The following EFR3A variants were observed in gnomAD, a reference collection of about 807,000 sequenced individuals.
EFR3A encodes the protein EFR3 homolog A.
Under a neutral mutation model 104.4 loss-of-function variants are expected in EFR3A, and 76 were observed. The ratio of observed to expected loss-of-function variants is 0.73; its 90% confidence interval spans 0.60 to 0.88. EFR3A has a LOEUF of 0.88. Ranked by LOEUF, EFR3A falls within the 40% of genes least tolerant of loss-of-function variation. The pLI, the probability that EFR3A is intolerant of heterozygous loss-of-function variation, is 0.00. For synonymous variants in EFR3A, 330 were observed against 330.0 expected (o/e 1.00, Z 0.00); for missense variants, 985 against 1,012.5 (o/e 0.97, Z 0.37).
rs1820773035 is a variant in EFR3A, at chr8:131,984,402, G to T, written c.1737+102G>T. The T allele has an allele frequency of 8.1e-6, 9 of 1,117,220 alleles. No individual in the cohort carries two copies. In the Admixed American group the frequency reaches 1.9e-4, roughly 23 times the overall value. 69.2% of individuals were successfully genotyped at this position (1,117,220 alleles called of 1,614,324 possible). ...CAAGGACATGAATTTTAAAAGGGAG[G>T]TATCTAGTTGTAAATCTAAAATACT... On this transcript the variant is annotated intron_variant, in intron 15 of 22. Coordinates refer to ENST00000254624, the MANE Select transcript of EFR3A (RefSeq NM_015137.6).
intron 19 of EFR3A, among the ~76,000 whole-genome samples, chr8:131,998,858 A>C (rs752175826): frequency 6.6e-6 from 1 of 151,956 alleles, no homozygotes; most frequent in Non-Finnish European, 1.5e-5. Context: ...ATATATGCAC[A>C]CTACACATAT....
intron 8 of EFR3A, among the ~76,000 whole-genome samples, chr8:131,962,352 G>A (rs1424906911): frequency 6.6e-6 from 1 of 152,116 alleles, no homozygotes; most frequent in Non-Finnish European, 1.5e-5. Context: ...TCAAAATAAA[G>A]GGATGGAGGA....
chr8:131,986,011 G>C (rs1316284026), intron 16 of EFR3A, among the ~76,000 whole-genome samples, 183 bp from the exon 17 acceptor site: 1 of 152,022 alleles, frequency 6.6e-6, no homozygotes, highest in Non-Finnish European at 1.5e-5. Flanking sequence ...AAAAATAATA[G>C]ATGTGAAAAC....
chr8:131,905,947 C>A (rs1362893755), intron 1 of EFR3A, among the ~76,000 whole-genome samples: 2 of 152,324 alleles, frequency 1.3e-5, no homozygotes, highest in East Asian at 3.9e-4. Flanking sequence ...ATGTTGAGTT[C>A]ATTCTGCAAA....
chr8:131,950,120 G>C (rs548913947), intron 5 of EFR3A, 30 bp downstream of exon 5: 19 of 1,556,236 alleles, frequency 1.2e-5, no homozygotes, highest in Non-Finnish European at 1.6e-5. Flanking sequence ...ATGATCTATA[G>C]TAAGTAATTT....
At chr8:131,930,347 C>T (rs1447725725) in intron 1 of EFR3A, among the ~76,000 whole-genome samples, 1 of 151,750 alleles carries the variant, frequency 6.6e-6, no homozygotes, top group African/African-American at 2.4e-5. Flanking sequence ...AAGATAGGAA[C>T]AGATGAATAG....
intron 4 of EFR3A, among the ~76,000 whole-genome samples, chr8:131,947,153 T>G (rs1303153586): frequency 6.6e-6 from 1 of 152,056 alleles, no homozygotes; most frequent in Non-Finnish European, 1.5e-5. Context: ...TATATGAGTG[T>G]TGTTTCTCCA....
At chr8:131,996,337 T>TA (rs1821483469) in intron 18 of EFR3A, 69 bp from the exon 19 acceptor site, 1 of 956,050 alleles carries the variant, frequency 1.0e-6, no homozygotes, top group African/African-American at 1.7e-5. Flanking sequence ...CTGAAATAAG[T>TA]AGAGTTTATA....
Position 131,955,834 on chromosome 8 carries a change from A to G in EFR3A, c.705A>G (p.Glu235=). 1 of 1,613,642 alleles carries G rather than the reference A, an allele frequency of 6.2e-7. No individual in the cohort carries two copies. The highest frequency in any genetic ancestry group is 1.1e-5 in the South Asian group (1 of 91,074). ...DKEENPAVLA[E]NCFRELLGRA... Reference sequence around the variant, plus strand: ...AAGAGAATCCTGCTGTGCTGGCTGAAAACTGTTTCAGAGAACTGCTGGGTC... The same window carrying G: ...AAGAGAATCCTGCTGTGCTGGCTGAGAACTGTTTCAGAGAACTGCTGGGTC... Residue 235 remains glutamate (E), a synonymous_variant, in exon 7 of 23, where the codon GAA becomes GAG. Transcript: ENST00000254624.
intron 18 of EFR3A, among the ~76,000 whole-genome samples, chr8:131,993,712 A>G (rs1821327364): frequency 6.6e-6 from 1 of 152,064 alleles, no homozygotes; most frequent in Admixed American, 6.6e-5. Flanking sequence ...TTGAGAAAAA[A>G]AAAAAAATAC....
chr8:131,939,684 A>G (rs1026922719), intron 1 of EFR3A, among the ~76,000 whole-genome samples: 1 of 152,150 alleles, frequency 6.6e-6, no homozygotes, highest in Non-Finnish European at 1.5e-5. Flanking sequence ...CTAAGTACTC[A>G]CTTAATCTTC....
At chr8:131,937,184 T>C (rs1445474609) in intron 1 of EFR3A, among the ~76,000 whole-genome samples, 1 of 152,142 alleles carries the variant, frequency 6.6e-6, no homozygotes, top group Non-Finnish European at 1.5e-5. Flanking sequence ...TATTTCACAA[T>C]ATCACAGATG....
At chr8:132,005,481 C>T (rs1014010638) in intron 22 of EFR3A, among the ~76,000 whole-genome samples, 1 of 151,772 alleles carries the variant, frequency 6.6e-6, no homozygotes, top group Non-Finnish European at 1.5e-5. Flanking sequence ...GAATAAGCAG[C>T]CTCACAGATA....
chr8:132,002,343 A>T (rs1237966951), intron 20 of EFR3A, among the ~76,000 whole-genome samples: 1 of 152,210 alleles, frequency 6.6e-6, no homozygotes, highest in Non-Finnish European at 1.5e-5. Context: ...TTTTGGTAAG[A>T]GAGACAAAGG....
chr8:131,938,792 G>T (rs1818026828), intron 1 of EFR3A, among the ~76,000 whole-genome samples: 1 of 152,090 alleles, frequency 6.6e-6, no homozygotes, highest in Non-Finnish European at 1.5e-5. Context: ...ATCCTCCCCA[G>T]CTGGGTGTTA....
Position 132,012,125 on chromosome 8 carries a change from C to T in EFR3A, c.*1230C>T, listed in dbSNP as rs1208800578. ...TTCTCTTAGGACATTTTTATAAAGT[C>T]ACCTGTTTATAGTTCTATCTTTTCA... On this transcript the variant is annotated 3_prime_UTR_variant, in exon 23 of 23. Coordinates refer to ENST00000254624, the MANE Select transcript of EFR3A (RefSeq NM_015137.6). The T allele has an allele frequency of 6.6e-6, 1 of 152,134 alleles. No homozygotes were observed. The highest frequency in any genetic ancestry group is 1.5e-5 in the Non-Finnish European group (1 of 68,020). The allele number at this position is 152,134 out of a possible 1,614,324, so 9.4% of individuals were successfully genotyped here. A position where few individuals can be genotyped will look rare whatever the true frequency, so the allele number is the denominator to read the frequency against.
Position 131,959,592 on chromosome 8 carries a change from G to C in EFR3A, c.784G>C (p.Asp262His). The C allele has an allele frequency of 6.2e-7, 1 of 1,611,346 alleles. No homozygotes were observed. Among genetic ancestry groups the C allele is most frequent in the African/African-American group, 1.3e-5 (1 of 74,944 alleles). Reference protein sequence around the residue: ...NAVRPVFAHLDHHKLWDPNEF... With the variant: ...NAVRPVFAHLHHHKLWDPNEF... ...AATTTTTGTTATTTGCAGGCATTTA[G>C]ATCATCACAAACTGTGGGATCCCAA... Residue 262 changes from aspartate to histidine, a missense_variant, in exon 8 of 23, where the codon GAT (aspartate) becomes CAT (histidine). By Grantham distance (81) the Asp-to-His change is moderately conservative. Transcript: ENST00000254624.
intron 1 of EFR3A, among the ~76,000 whole-genome samples, chr8:131,927,215 A>T (rs1164064001): frequency 2.0e-5 from 3 of 152,176 alleles, no homozygotes; most frequent in Non-Finnish European, 4.4e-5. Flanking sequence ...CTTGAAGAAT[A>T]ATGCTGGGCT....
In EFR3A at chr8:131,984,220, A is replaced by G. The variant is rs755060123; in HGVS notation, c.1657A>G (p.Thr553Ala). 6.2e-7 allele frequency: 1 copy of G among 1,611,730 alleles called. No individual in the cohort carries two copies. Among genetic ancestry groups the G allele is most frequent in the African/African-American group, 1.3e-5 (1 of 74,806 alleles). Residue 553 changes from threonine to alanine, a missense_variant, in exon 15 of 23, where the codon ACT (threonine) becomes GCT (alanine). By Grantham distance (58) the Thr-to-Ala change is moderately conservative (BLOSUM62 0). Coordinates refer to ENST00000254624, the MANE Select transcript of EFR3A (RefSeq NM_015137.6). ...TCAGAAAAACTATGAACTACTTTAT[A>G]CTTCTCTTGCTCTTATAACTATTGA... ...NVQKNYELLY[T>A]SLALITIELA...
Sources: allele counts gnomAD v4.1 joint callset (sites outside exome capture counted in the v4.1 genomes callset), GRCh38; gene constraint gnomAD v4.1.1; transcripts MANE v1.5; gene names NCBI Gene and HGNC (gene_info 2026-07-23, HGNC 2026-07-21).